Variants in THRB observed in about 807,000 individuals in gnomAD.
THRB encodes the protein thyroid hormone receptor beta.
In THRB, 12 loss-of-function variants were observed where a neutral mutation model predicts 47.8. The ratio of observed to expected loss-of-function variants is 0.25; its 90% CI spans 0.16 to 0.41. The LOEUF (loss-of-function observed/expected upper bound fraction) is 0.41. Among genes scored for constraint, THRB ranks in the 10% least tolerant of loss-of-function variants. The pLI is 1.00. For missense variants in THRB, 348 were observed against 589.2 expected (o/e 0.59, Z 4.24); for synonymous variants, 218 against 212.2 (o/e 1.03, Z -0.24).
Position 24,268,461 on chromosome 3 carries a change from A to G in THRB, c.-43+28765T>C, listed in dbSNP as rs545322152. Among the ~76,000 whole-genome samples the G allele has an allele frequency of 2.6e-5, 4 of 152,332 alleles. No homozygotes were observed. The East Asian group carries it at 7.7e-4, about 29-fold the overall frequency. ...GAAACAGTAGATTAAAAAAGACCTC[A>G]TTTAGAAAAATCTTTTAATTTTATG... On this transcript the variant is annotated intron_variant, in intron 3 of 10. Coordinates refer to ENST00000646209, the MANE Select transcript of THRB (RefSeq NM_001354712.2).
intron 3 of THRB, among the ~76,000 whole-genome samples, chr3:24,283,435 A>C (rs2054855531): frequency 6.6e-6 from 1 of 151,886 alleles, no homozygotes; most frequent in African/African-American, 2.4e-5. Flanking sequence ...GACGTATCTC[A>C]AAATAATAAG....
At chr3:24,187,950 G>C (rs2042810738) in intron 5 of THRB, among the ~76,000 whole-genome samples, 1 of 152,178 alleles carries the variant, frequency 6.6e-6, no homozygotes, top group Non-Finnish European at 1.5e-5. Context: ...CCTATGTCAA[G>C]GTGGACCCTG....
At chr3:24,338,147 C>T (rs1333121104) in intron 1 of THRB, among the ~76,000 whole-genome samples, 1 of 151,986 alleles carries the variant, frequency 6.6e-6, no homozygotes, top group African/African-American at 2.4e-5. Context: ...GTTCCCACTA[C>T]CCCAAATATA....
Position 24,186,273 on chromosome 3 carries a change from A to C in THRB, c.283+3801T>G, listed in dbSNP as rs554813106. Among the ~76,000 whole-genome samples, 3 of 152,298 alleles carry C rather than the reference A, an allele frequency of 2.0e-5. No homozygotes were observed. The South Asian group carries it at 6.2e-4, about 32-fold the overall frequency. On this transcript the variant is annotated intron_variant, in intron 5 of 10. Transcript: ENST00000646209. The stretch of plus-strand genomic sequence containing the variant: ...TTTCTACCAAGCTCCAGGTTCTCCT[A>C]GTGCCACTGATTGGTACTACCACAC...
intron 4 of THRB, among the ~76,000 whole-genome samples, chr3:24,211,437 A>G (rs1414766232): frequency 6.6e-6 from 1 of 152,136 alleles, no homozygotes; most frequent in Non-Finnish European, 1.5e-5. Flanking sequence ...CATTGCTAAT[A>G]TTGACTGGTG....
At chr3:24,459,313 A>C (rs2073479063) in intron 1 of THRB, 1 of 152,206 alleles carries the variant, frequency 6.6e-6, no homozygotes, top group Non-Finnish European at 1.5e-5. Context: ...TTATGACTGC[A>C]TAGTATTCCA....
chr3:24,464,563 T>C (rs2073980987), intron 1 of THRB, among the ~76,000 whole-genome samples: 1 of 152,224 alleles, frequency 6.6e-6, no homozygotes, highest in Non-Finnish European at 1.5e-5. Flanking sequence ...ACGGGTTTTA[T>C]GCAATCTGGA....
At chr3:24,130,323 G>A (rs994399091) in intron 9 of THRB, among the ~76,000 whole-genome samples, 7 of 152,164 alleles carry the variant, frequency 4.6e-5, no homozygotes, top group African/African-American at 7.2e-5. Context: ...CGCCCTTGCC[G>A]TGGATGAAAG....
At chr3:24,232,101 C>A (rs1218355910) in intron 3 of THRB, among the ~76,000 whole-genome samples, 1 of 152,176 alleles carries the variant, frequency 6.6e-6, no homozygotes, top group South Asian at 2.1e-4. Context: ...CTGTGTACCA[C>A]GGCCCTTCAA....
chr3:24,308,431 A>C (rs2057515526), intron 2 of THRB, among the ~76,000 whole-genome samples: 1 of 152,210 alleles, frequency 6.6e-6, no homozygotes, highest in Admixed American at 6.5e-5. Flanking sequence ...ACTATGTAAA[A>C]TCACTGGTGG....
intron 1 of THRB, among the ~76,000 whole-genome samples, chr3:24,481,229 G>GTTTTTTTTTTTTTTTTT (rs746323691): frequency 4.3e-4 from 24 of 55,368 alleles, no homozygotes; most frequent in African/African-American, 1.4e-3. Flanking sequence ...GTTTCTTTCT[G>GTTTTTTTTTTTTTTTTT]TTTTTTTTTT....
At position 24,122,641 on chromosome 3, in the gene THRB, C is replaced by T. The variant is rs761568064; in HGVS notation, c.*243G>A. 3.6e-5 allele frequency: 20 copies of T among 549,128 alleles called. No homozygotes were observed. The highest frequency in any genetic ancestry group is 9.2e-5 in the Admixed American group (3 of 32,574). 34.0% of individuals were successfully genotyped at this position (549,128 alleles called of 1,614,324 possible). On this transcript the variant is annotated 3_prime_UTR_variant, in exon 11 of 11. Transcript: ENST00000646209. ...TGGTGAGTTAATGATTGTCCCCCAC[C>T]CCACCTCCACAACCATAAAACCTTC...
chr3:24,196,088 C>T (rs1178978711), intron 4 of THRB, among the ~76,000 whole-genome samples: 7 of 152,126 alleles, frequency 4.6e-5, no homozygotes, highest in African/African-American at 1.4e-4. Flanking sequence ...GGAATGTGGA[C>T]AGAATTATCA....
chr3:24,207,590 CA>C (rs1438831690), intron 4 of THRB, among the ~76,000 whole-genome samples: 2 of 152,108 alleles, frequency 1.3e-5, no homozygotes, highest in Non-Finnish European at 2.9e-5. Context: ...TCACATTACC[CA>C]GCTGCACAGC....
intron 2 of THRB, among the ~76,000 whole-genome samples, chr3:24,307,072 T>C (rs1318929365): frequency 6.6e-6 from 1 of 151,744 alleles, no homozygotes; most frequent in Non-Finnish European, 1.5e-5. Context: ...AATAAAATAT[T>C]AATGTTACTT....
chr3:24,365,974 G>C (rs374929003), intron 1 of THRB, among the ~76,000 whole-genome samples: 1 of 152,114 alleles, frequency 6.6e-6, no homozygotes, highest in Non-Finnish European at 1.5e-5. Flanking sequence ...TATTCTAATC[G>C]GGCGTATTTT....
intron 1 of THRB, among the ~76,000 whole-genome samples, chr3:24,337,974 C>T (rs533540980): frequency 6.6e-6 from 1 of 152,318 alleles, no homozygotes; most frequent in East Asian, 1.9e-4. Flanking sequence ...GGCAGCCAAA[C>T]AGACCACGAC....
At chr3:24,400,372 T>C (rs543045273) in intron 1 of THRB, among the ~76,000 whole-genome samples, 1 of 152,000 alleles carries the variant, frequency 6.6e-6, no homozygotes, top group South Asian at 2.1e-4. Flanking sequence ...GAGACCTAGA[T>C]TTTTTTTATG....
At chr3:24,303,551 C>T (rs1301650644) in intron 2 of THRB, among the ~76,000 whole-genome samples, 10 of 152,182 alleles carry the variant, frequency 6.6e-5, no homozygotes, top group Admixed American at 1.3e-4. Context: ...TGACCACAGA[C>T]GTGCAAGCAG....
Sources: allele counts gnomAD v4.1 joint callset (sites outside exome capture counted in the v4.1 genomes callset), GRCh38; gene constraint gnomAD v4.1.1; transcripts MANE v1.5; gene names NCBI Gene and HGNC (gene_info 2026-07-23, HGNC 2026-07-21).